CCBE1: variants seen among roughly 807,000 people sequenced by gnomAD.
The protein encoded by CCBE1 is collagen and calcium-binding EGF domain-containing protein 1.
CCBE1 carries 37 observed loss-of-function variants against 50.0 expected under a neutral mutation model. That is an observed-to-expected ratio of 0.74 (90% CI 0.57 to 0.97). The LOEUF (loss-of-function observed/expected upper bound fraction) is 0.97, where lower values mean the gene tolerates loss of function less well. CCBE1 is among the 50% of genes least tolerant of loss of function. The pLI is 0.00. For missense variants in CCBE1, 538 were observed against 523.8 expected (o/e 1.03, Z -0.26); for synonymous variants, 234 against 203.7 (o/e 1.15, Z -1.27).
At chr18:59,646,236 C>T (rs550129101) in intron 2 of CCBE1, among the ~76,000 whole-genome samples, 63 of 152,266 alleles carry the variant, frequency 4.1e-4, no homozygotes, top group Non-Finnish European at 8.1e-4. Flanking sequence ...ATTTAAAAGG[C>T]TATCCCGATG....
intron 2 of CCBE1, among the ~76,000 whole-genome samples, chr18:59,652,367 C>A (rs529706911): frequency 6.6e-6 from 1 of 152,198 alleles, no homozygotes. Flanking sequence ...ACCGTTGGGA[C>A]TCTGCCACTT....
intron 2 of CCBE1, among the ~76,000 whole-genome samples, chr18:59,592,184 T>C (rs982600061): frequency 1.3e-5 from 2 of 152,174 alleles, no homozygotes; most frequent in African/African-American, 2.4e-5. Flanking sequence ...TTATCCTGCC[T>C]GTGAACAGCC....
chr18:59,684,398 A>G (rs1452173847), intron 2 of CCBE1, among the ~76,000 whole-genome samples: 1 of 152,198 alleles, frequency 6.6e-6, no homozygotes, highest in Non-Finnish European at 1.5e-5. Flanking sequence ...GCAGTGAGCT[A>G]AGATCGTGCC....
At chr18:59,441,435 G>T (rs542708428) in intron 7 of CCBE1, among the ~76,000 whole-genome samples, 1 of 149,448 alleles carries the variant, frequency 6.7e-6, no homozygotes, top group Admixed American at 6.7e-5. Context: ...AGTGAGCTGA[G>T]ATTGTACCAC....
chr18:59,496,680 C>T (rs1053434195), intron 2 of CCBE1, among the ~76,000 whole-genome samples: 2 of 152,282 alleles, frequency 1.3e-5, no homozygotes, highest in South Asian at 2.1e-4. Context: ...ATGAAGAACT[C>T]GGAGACTCAG....
intron 2 of CCBE1, among the ~76,000 whole-genome samples, chr18:59,543,834 C>CAAAAA (rs10678902): frequency 1.4e-4 from 10 of 68,978 alleles, no homozygotes; most frequent in African/African-American, 4.3e-4. Flanking sequence ...GACTCCGTCT[C>CAAAAA]AAAAAAAAAA....
At chr18:59,652,952 A>G (rs1254845089) in intron 2 of CCBE1, among the ~76,000 whole-genome samples, 2 of 127,104 alleles carry the variant, frequency 1.6e-5, no homozygotes, top group Non-Finnish European at 3.3e-5. Flanking sequence ...AAACAAAGTG[A>G]GACTCCGTCT....
rs140919958 is a variant in CCBE1 at position 59,483,743 on chromosome 18, G to A, written c.213-3505C>T. Among the ~76,000 whole-genome samples the A allele has an allele frequency of 4.2e-4, 64 of 152,258 alleles. No individual in the cohort carries two copies. The East Asian group carries it at 0.01, about 24-fold the overall frequency. On this transcript the variant is annotated intron_variant, in intron 2 of 10. Transcript: ENST00000439986. The stretch of plus-strand genomic sequence containing the variant: ...CCTCTCCCTGTAACATTTCTCACAT[G>A]CAATGCAGTGGTGGTAGATATCTTA...
intron 2 of CCBE1, among the ~76,000 whole-genome samples, chr18:59,562,952 T>G (rs2187492): frequency 5.9e-5 from 9 of 152,060 alleles, no homozygotes; most frequent in African/African-American, 2.2e-4. Flanking sequence ...GTTCAGGGAA[T>G]GGACTCTTCC....
At chr18:59,450,445 G>A (rs1461676055) in intron 6 of CCBE1, among the ~76,000 whole-genome samples, 5 of 152,148 alleles carry the variant, frequency 3.3e-5, no homozygotes, top group Non-Finnish European at 5.9e-5. Context: ...CACACAGCCA[G>A]CAGACGGTGG....
chr18:59,696,589 G>A (rs375216025), intron 2 of CCBE1, 40 bp downstream of exon 2: 4 of 1,611,842 alleles, frequency 2.5e-6, no homozygotes, highest in African/African-American at 2.7e-5. Context: ...GCCAGCCCCG[G>A]TGCGCAGTGG....
In CCBE1 at chr18:59,679,836, T is replaced by C. The variant is rs116456966; in HGVS notation, c.212+16793A>G. Among the ~76,000 whole-genome samples the C allele has an allele frequency of 9.0e-3, 1,375 of 152,274 alleles. 28 individuals carry two copies. Among genetic ancestry groups the C allele is most frequent in the African/African-American group, 0.032 (1,311 of 41,540 alleles). On this transcript the variant is annotated intron_variant, in intron 2 of 10. Transcript: ENST00000439986. ...GAGACATCAACCGACATATGTAAGA[T>C]GAACATTGGTTCAGTCTAGAAAGGC...
At chr18:59,545,350 C>T (rs1249587407) in intron 2 of CCBE1, among the ~76,000 whole-genome samples, 2 of 146,960 alleles carry the variant, frequency 1.4e-5, no homozygotes, top group African/African-American at 4.9e-5. Flanking sequence ...ACTCTCAACA[C>T]AATTTCACTT....
chr18:59,513,785 C>A (rs933763675), intron 2 of CCBE1, among the ~76,000 whole-genome samples: 1 of 152,210 alleles, frequency 6.6e-6, no homozygotes, highest in Non-Finnish European at 1.5e-5. Context: ...ATATTAGAGA[C>A]ATGGAAATGG....
intron 2 of CCBE1, among the ~76,000 whole-genome samples, chr18:59,539,335 G>C (rs1915379501): frequency 6.6e-6 from 1 of 152,192 alleles, no homozygotes. Context: ...TCAAGGAACT[G>C]AGAGTGGGCA....
chr18:59,691,728 G>C (rs1482545064), intron 2 of CCBE1, among the ~76,000 whole-genome samples: 3 of 152,148 alleles, frequency 2.0e-5, no homozygotes, highest in African/African-American at 7.2e-5. Flanking sequence ...CTTTCATTTT[G>C]TTTCCTCCCT....
intron 2 of CCBE1, among the ~76,000 whole-genome samples, chr18:59,585,228 G>A (rs976376681): frequency 6.6e-6 from 1 of 151,978 alleles, no homozygotes; most frequent in African/African-American, 2.4e-5. Flanking sequence ...CCCTTCTGAT[G>A]CCACCTCTAC....
intron 2 of CCBE1, among the ~76,000 whole-genome samples, chr18:59,625,237 G>A (rs1483641888): frequency 1.3e-5 from 2 of 151,980 alleles, no homozygotes; most frequent in Non-Finnish European, 2.9e-5. Context: ...CGCGACCATC[G>A]TGGCTAACAC....
chr18:59,495,944 G>T (rs996699138), intron 2 of CCBE1, among the ~76,000 whole-genome samples: 4 of 152,198 alleles, frequency 2.6e-5, no homozygotes, highest in African/African-American at 4.8e-5. Flanking sequence ...GGCCCAAGAA[G>T]AGATGTTCCT....
Sources: gnomAD v4.1 joint callset for allele counts (sites outside exome capture counted in the v4.1 genomes callset) on GRCh38, gnomAD v4.1.1 for gene constraint, MANE v1.5 for transcripts, NCBI Gene and HGNC (gene_info 2026-07-23, HGNC 2026-07-21) for gene names.